SND1: variants seen among roughly 807,000 people sequenced by gnomAD.
The protein encoded by SND1 is staphylococcal nuclease domain-containing protein 1.
SND1 carries 38 observed loss-of-function variants against 121.7 expected under a neutral mutation model. That is an observed-to-expected ratio of 0.31 (90% CI 0.24 to 0.41). The LOEUF is 0.41. Ranked by LOEUF, SND1 falls within the 10% of genes least tolerant of loss-of-function variation. The probability of loss-of-function intolerance (pLI) is 1.00; values close to 1 mark genes in which losing one functional copy is unlikely to be tolerated. For missense variants in SND1, 868 were observed against 1,184.6 expected, an observed-to-expected ratio of 0.73 and a Z score of 3.92; for synonymous variants, 401 against 447.4, an observed-to-expected ratio of 0.90 and a Z score of 1.31.
intron 10 of SND1, among the ~76,000 whole-genome samples, chr7:127,727,873 G>A (rs916177713): frequency 6.6e-6 from 1 of 152,106 alleles, no homozygotes; most frequent in East Asian, 1.9e-4. Context: ...GTGGGTCTTA[G>A]CTCATCTATT....
chr7:128,041,537 A>G (rs551206091), intron 16 of SND1, among the ~76,000 whole-genome samples: 15 of 152,340 alleles, frequency 9.8e-5, no homozygotes, highest in African/African-American at 2.4e-4. Flanking sequence ...AAATGCTTCC[A>G]GTGGAAAATC....
intron 15 of SND1, among the ~76,000 whole-genome samples, chr7:127,943,959 G>A (rs1019845351): frequency 6.6e-5 from 10 of 152,216 alleles, no homozygotes; most frequent in African/African-American, 2.2e-4. Context: ...CTCAGAGGAG[G>A]GCGGATGTGG....
At chr7:127,668,298 C>T (rs1223528964) in intron 1 of SND1, among the ~76,000 whole-genome samples, 1 of 152,198 alleles carries the variant, frequency 6.6e-6, no homozygotes, top group Non-Finnish European at 1.5e-5. Context: ...CATATGTTCT[C>T]CAGCAAATTC....
chr7:127,919,349 T>G (rs989806986), intron 14 of SND1, among the ~76,000 whole-genome samples: 1 of 152,222 alleles, frequency 6.6e-6, no homozygotes, highest in Non-Finnish European at 1.5e-5. Context: ...CCCAAGTTCT[T>G]GATTTGCCCA....
intron 1 of SND1, 96 bp from the exon 2 acceptor site, chr7:127,686,517 T>G: frequency 1.5e-6 from 2 of 1,330,502 alleles, no homozygotes; most frequent in Non-Finnish European, 2.1e-6. Context: ...GAAGTGCAAA[T>G]GCTATTTGAA....
intron 11 of SND1, among the ~76,000 whole-genome samples, chr7:127,843,205 G>T (rs1798996123): frequency 6.6e-6 from 1 of 151,968 alleles, no homozygotes; most frequent in Non-Finnish European, 1.5e-5. Flanking sequence ...ACACCAGAGT[G>T]GTATATTTAT....
chr7:127,695,299 C>T (rs978053904), intron 3 of SND1, among the ~76,000 whole-genome samples: 1 of 152,250 alleles, frequency 6.6e-6, no homozygotes. Context: ...TTTGTATCTT[C>T]TATTTCTTTT....
At chr7:127,887,637 A>C (rs986353977) in intron 12 of SND1, among the ~76,000 whole-genome samples, 1 of 143,414 alleles carries the variant, frequency 7.0e-6, no homozygotes, top group East Asian at 2.0e-4. Context: ...GGCTTTTTAC[A>C]GATTTTTTTT....
At chr7:127,874,086 G>C (rs1282777840) in intron 12 of SND1, among the ~76,000 whole-genome samples, 1 of 152,134 alleles carries the variant, frequency 6.6e-6, no homozygotes, top group African/African-American at 2.4e-5. Context: ...ACAGGGGCAG[G>C]ACACCACTGT....
At chr7:127,709,830 C>T (rs545911986) in intron 9 of SND1, among the ~76,000 whole-genome samples, 76 of 152,088 alleles carry the variant, frequency 5.0e-4, no homozygotes, top group African/African-American at 1.8e-3. Flanking sequence ...GGTACACGTC[C>T]GCTTAGAGGG....
intron 15 of SND1, among the ~76,000 whole-genome samples, chr7:127,971,208 G>A (rs546199665): frequency 6.6e-6 from 1 of 152,122 alleles, no homozygotes; most frequent in South Asian, 2.1e-4. Flanking sequence ...CTGTTGGGGT[G>A]GTCACCAACC....
intron 16 of SND1, among the ~76,000 whole-genome samples, chr7:128,022,962 A>G (rs938297599): frequency 6.6e-6 from 1 of 152,084 alleles, no homozygotes; most frequent in Non-Finnish European, 1.5e-5. Flanking sequence ...CTCATTAGGA[A>G]ATCAAAATGC....
intron 14 of SND1, among the ~76,000 whole-genome samples, chr7:127,923,217 C>T (rs1399260505): frequency 1.3e-5 from 2 of 152,204 alleles, no homozygotes; most frequent in Non-Finnish European, 2.9e-5. Flanking sequence ...ACTCCCATCT[C>T]AGCCTCTCAG....
intron 1 of SND1, among the ~76,000 whole-genome samples, chr7:127,668,266 C>A (rs1418513272): frequency 6.6e-6 from 1 of 152,216 alleles, no homozygotes; most frequent in Admixed American, 6.5e-5. Context: ...CTGTTCCCCA[C>A]TCTAACTTCC....
In SND1 at chr7:128,039,909, G is replaced by C. The variant is rs530437896; in HGVS notation, c.1780-34593G>C. On this transcript the variant is annotated intron_variant, in intron 16 of 23. Coordinates refer to ENST00000354725, the MANE Select transcript of SND1 (RefSeq NM_014390.4). ...CCATTACCTCGCTTTATGGAGAGCT[G>C]GGTAAATTTAAAGGCAGCTATAAAT... Among the ~76,000 whole-genome samples, 101 of 152,262 alleles carry C rather than the reference G, an allele frequency of 6.6e-4. 3 individuals carry two copies. In the South Asian group the frequency reaches 0.018, roughly 27 times the overall value.
At chr7:127,683,319 G>C (rs535875741) in intron 1 of SND1, among the ~76,000 whole-genome samples, 3 of 152,104 alleles carry the variant, frequency 2.0e-5, no homozygotes, top group Non-Finnish European at 4.4e-5. Flanking sequence ...AGGCTCAAGC[G>C]GTTCTCCTAC....
chr7:127,747,727 C>A (rs1162935008), intron 10 of SND1, among the ~76,000 whole-genome samples: 2 of 152,220 alleles, frequency 1.3e-5, no homozygotes, highest in African/African-American at 4.8e-5. Context: ...TTTTTCAGGA[C>A]ATGCCACTAT....
At chr7:127,725,563 G>A (rs1194906594) in intron 10 of SND1, among the ~76,000 whole-genome samples, 1 of 152,146 alleles carries the variant, frequency 6.6e-6, no homozygotes, top group Admixed American at 6.5e-5. Flanking sequence ...TTGTAGTTGC[G>A]GAAACATGGA....
Position 127,747,641 on chromosome 7 carries a change from G to GC in SND1, c.1152+26241_1152+26242insC, listed in dbSNP as rs1587637217. On this transcript the variant is annotated intron_variant, in intron 10 of 23. Transcript: ENST00000354725. ...CACCTGGTTGTGACATATTTGACAA[G>GC]ACTGAACATCAGTGCTTTAAGGAAA... 7.9e-5 allele frequency among the ~76,000 whole-genome samples: 12 copies of GC among 152,318 alleles called. No homozygotes were observed. In the East Asian group the frequency reaches 2.3e-3, roughly 29 times the overall value.
Sources: gnomAD v4.1 joint callset for allele counts (sites outside exome capture counted in the v4.1 genomes callset) on GRCh38, gnomAD v4.1.1 for gene constraint, MANE v1.5 for transcripts, NCBI Gene and HGNC (gene_info 2026-07-23, HGNC 2026-07-21) for gene names.